Variants in KMT2E observed in about 807,000 individuals in gnomAD.
The protein encoded by KMT2E is lysine methyltransferase 2E (inactive).
KMT2E carries 30 observed loss-of-function variants against 184.6 expected under a neutral mutation model. That is an observed-to-expected ratio of 0.16 (90% confidence interval 0.12 to 0.22). The LOEUF (loss-of-function observed/expected upper bound fraction) is 0.22, where lower values mean the gene tolerates loss of function less well. Among genes scored for constraint, KMT2E ranks in the 10% least tolerant of loss-of-function variants. The probability of loss-of-function intolerance (pLI) is 1.00; values close to 1 mark genes in which losing one functional copy is unlikely to be tolerated. For synonymous variants in KMT2E, 815 were observed against 776.5 expected, an observed-to-expected ratio of 1.05 and a Z score of -0.82; for missense variants, 2,023 against 2,237.4, an observed-to-expected ratio of 0.90 and a Z score of 1.93.
intron 3 of KMT2E, 26 bp from the exon 4 acceptor site, chr7:105,062,138 T>A: frequency 7.1e-7 from 1 of 1,401,560 alleles, no homozygotes; most frequent in Non-Finnish European, 1.0e-6. Flanking sequence ...AATGGAATTC[T>A]CTTTGATGCA....
intron 3 of KMT2E, among the ~76,000 whole-genome samples, chr7:105,044,760 T>C (rs968308761): frequency 2.6e-5 from 4 of 151,818 alleles, no homozygotes; most frequent in African/African-American, 7.3e-5. Context: ...GTTGGGGGAG[T>C]CAATAAATTG....
At chr7:105,100,936 C>G (rs1798629787) in intron 15 of KMT2E, among the ~76,000 whole-genome samples, 1 of 152,148 alleles carries the variant, frequency 6.6e-6, no homozygotes, top group South Asian at 2.1e-4. Flanking sequence ...CACAGAGATA[C>G]TTACCAAATG....
chr7:105,065,062 G>T (rs1351178695), intron 5 of KMT2E, among the ~76,000 whole-genome samples: 2 of 152,022 alleles, frequency 1.3e-5, no homozygotes, highest in Admixed American at 6.6e-5. Flanking sequence ...ACAGTTTTTG[G>T]ATTATTCAAG....
In KMT2E at chr7:105,107,221, A is replaced by C. The variant is rs1405370660; in HGVS notation, c.2903A>C (p.Glu968Ala). 1 of 1,554,724 alleles carries C rather than the reference A, an allele frequency of 6.4e-7. No homozygotes were observed. Among genetic ancestry groups the C allele is most frequent in the Non-Finnish European group, 8.7e-7 (1 of 1,144,580 alleles). Residue 968 changes from glutamate (E) to alanine (A), a missense_variant and splice_region_variant, in exon 21 of 27, where the codon GAG (glutamate) becomes GCG (alanine). Physicochemically the swap from Glu to Ala is moderately radical, Grantham distance 107. This residue lies in a region of KMT2E where 514 missense variants were observed against 621.8 expected (regional missense o/e 0.83). Transcript: ENST00000311117. ...ATAAAGAGACGCACTTATAGTCAAG[A>C]GGTAAGAAGTTAACTTAAAAAGGGT... ...PEIKRRTYSQEGYDRSSTMLT... is the reference protein window; with the variant it reads ...PEIKRRTYSQAGYDRSSTMLT...
chr7:105,101,744 CTA>C lies in KMT2E; in HGVS notation c.1888-136_1888-135del, dbSNP rs1401675419. On this transcript the variant is annotated intron_variant, in intron 16 of 26. Coordinates refer to ENST00000311117, the MANE Select transcript of KMT2E (RefSeq NM_182931.3). ...GGGAGTTTCAGCTTGAGATAAAAGA[CTA>C]TATATTATCTCTGTTCTTTATTATA... The C allele has an allele frequency of 5.3e-6, 5 of 939,584 alleles. No individual in the cohort carries two copies. In the Admixed American group the frequency reaches 1.0e-4, roughly 20 times the overall value. 58.2% of individuals were successfully genotyped at this position (939,584 alleles called of 1,614,324 possible). A position where few individuals can be genotyped will look rare whatever the true frequency, so the allele number is the denominator to read the frequency against.
intron 12 of KMT2E, among the ~76,000 whole-genome samples, chr7:105,081,193 A>G (rs907646567): frequency 5.3e-5 from 8 of 152,030 alleles, no homozygotes; most frequent in African/African-American, 1.9e-4. Context: ...CATCCTGGCT[A>G]ACACTGTGAA....
At chr7:105,108,517 G>C (rs1389416592) in intron 22 of KMT2E, 1 of 452,560 alleles carries the variant, frequency 2.2e-6, no homozygotes, top group Non-Finnish European at 4.4e-6. Flanking sequence ...GAATTTTCGT[G>C]ATGTGTGCTT....
chr7:105,023,594 A>G (rs1007365832), intron 1 of KMT2E, among the ~76,000 whole-genome samples: 4 of 151,268 alleles, frequency 2.6e-5, no homozygotes, highest in African/African-American at 9.7e-5. Flanking sequence ...ACAGGTGCCC[A>G]CCAGCAGGCC....
chr7:105,106,273 G>A (rs1234424821), intron 19 of KMT2E, among the ~76,000 whole-genome samples: 3 of 152,054 alleles, frequency 2.0e-5, no homozygotes, highest in Non-Finnish European at 2.9e-5. Flanking sequence ...AAGTAACATC[G>A]GTACTTGTAA....
At chr7:105,046,666 A>T (rs1460212369) in intron 3 of KMT2E, among the ~76,000 whole-genome samples, 2 of 152,218 alleles carry the variant, frequency 1.3e-5, no homozygotes, top group Non-Finnish European at 2.9e-5. Context: ...TACTCAGAAG[A>T]AGTCAGTGCC....
chr7:105,027,040 T>C (rs185923695), intron 1 of KMT2E, among the ~76,000 whole-genome samples: 1,568 of 151,956 alleles, frequency 0.01, 12 homozygotes, highest in Non-Finnish European at 0.017. Flanking sequence ...TTTTCATTTA[T>C]ATATAAAATC....
Position 105,109,076 on chromosome 7 carries a change from C to T in KMT2E, c.3603C>T (p.Ser1201=). Residue 1201 remains serine (S), a synonymous_variant, in exon 23 of 27, where the codon AGC becomes AGT. Transcript: ENST00000311117. ...GCAACAATGGTGATGGCTGTGCCAG[C>T]AGTAATGACAATGGGGAGCAGGTGG... ...SLSNNGDGCA[S]SNDNGEQVDH... The T allele has an allele frequency of 6.2e-7, 1 of 1,614,180 alleles. No individual in the cohort carries two copies. Among genetic ancestry groups the T allele is most frequent in the Non-Finnish European group, 8.5e-7 (1 of 1,180,032 alleles).
chr7:105,039,274 G>C (rs1296032221), intron 2 of KMT2E: 1 of 152,132 alleles, frequency 6.6e-6, no homozygotes, highest in Non-Finnish European at 1.5e-5. Flanking sequence ...AGTGTGGTGT[G>C]TACTGAGGAT....
intron 3 of KMT2E, among the ~76,000 whole-genome samples, chr7:105,056,558 T>G (rs1796577035): frequency 1.3e-5 from 2 of 152,230 alleles, no homozygotes; most frequent in South Asian, 4.1e-4. Context: ...ATATGTTATT[T>G]GTAGTAAATT....
intron 13 of KMT2E, among the ~76,000 whole-genome samples, chr7:105,083,834 A>G (rs1797854390): frequency 6.6e-6 from 1 of 152,176 alleles, no homozygotes; most frequent in Non-Finnish European, 1.5e-5. Flanking sequence ...CCTCTTATTC[A>G]GCAGAAGTGG....
At chr7:105,063,996 T>A (rs1020828450) in intron 5 of KMT2E, 1 of 455,576 alleles carries the variant, frequency 2.2e-6, no homozygotes. Flanking sequence ...TTGACCTGAC[T>A]CTCTCACCTC....
At chr7:105,084,377 A>C (rs2129568534) in intron 13 of KMT2E, among the ~76,000 whole-genome samples, 1 of 152,334 alleles carries the variant, frequency 6.6e-6, no homozygotes, top group Middle Eastern at 3.4e-3. Flanking sequence ...CTGTAATCCC[A>C]GCACTTGGGA....
intron 13 of KMT2E, among the ~76,000 whole-genome samples, chr7:105,084,007 T>C (rs1270040604): frequency 1.3e-5 from 2 of 152,324 alleles, no homozygotes; most frequent in East Asian, 3.9e-4. Context: ...ATGTCTTTCT[T>C]ATATAGCACG....
chr7:105,080,251 ATGTT>A (rs1278084480), intron 12 of KMT2E, among the ~76,000 whole-genome samples: 2 of 152,202 alleles, frequency 1.3e-5, no homozygotes, highest in Non-Finnish European at 2.9e-5. Flanking sequence ...TAGATTTTGT[ATGTT>A]CTACTGTAAA....
Sources: allele counts gnomAD v4.1 joint callset (sites outside exome capture counted in the v4.1 genomes callset), GRCh38; gene constraint gnomAD v4.1.1; regional missense constraint gnomAD v4.1.1; transcripts MANE v1.5; gene names NCBI Gene and HGNC (gene_info 2026-07-23, HGNC 2026-07-21).